Variants in ENOX2 observed in about 807,000 individuals in gnomAD.
ENOX2 encodes the protein ecto-NOX disulfide-thiol exchanger 2, also known as APK1 antigen.
ENOX2 carries 36 observed loss-of-function variants against 45.0 expected under a neutral mutation model. The ratio of observed to expected loss-of-function variants is 0.80; its 90% CI spans 0.61 to 1.06. The LOEUF is 1.06. Among genes scored for constraint, ENOX2 ranks in the 50% least tolerant of loss-of-function variants. The pLI is 0.00. For missense variants in ENOX2, 423 were observed against 462.5 expected (o/e 0.91, Z 0.78); for synonymous variants, 174 against 152.3 (o/e 1.14, Z -1.05).
intron 2 of ENOX2, among the ~76,000 whole-genome samples, chrX:130,831,583 T>C (rs1211292898): frequency 9.0e-6 from 1 of 111,252 alleles, no homozygotes; most frequent in East Asian, 2.8e-4. Flanking sequence ...CTCAGGCTCT[T>C]TGCATGACAG....
At chrX:130,666,564 T>C (rs764561950) in intron 8 of ENOX2, among the ~76,000 whole-genome samples, 7 of 111,687 alleles carry the variant, frequency 6.3e-5, no homozygotes, top group Non-Finnish European at 9.4e-5. Context: ...TTTTTTTCTT[T>C]ACATCCCTGT....
intron 2 of ENOX2, among the ~76,000 whole-genome samples, chrX:130,899,453 G>T (rs1222427049): frequency 8.9e-6 from 1 of 112,026 alleles, no homozygotes; most frequent in Admixed American, 9.4e-5. Context: ...AGTCTAGTGG[G>T]GAACACAGAG....
intron 10 of ENOX2, among the ~76,000 whole-genome samples, chrX:130,653,208 T>C (rs1001715363): frequency 8.9e-6 from 1 of 112,167 alleles, no homozygotes; most frequent in Non-Finnish European, 1.9e-5. Context: ...CATTTTTGTC[T>C]CAGTTCCTCT....
In ENOX2 at chrX:130,688,771, A is replaced by G. The variant is rs780004134; in HGVS notation, c.253+92T>C. The stretch of plus-strand genomic sequence containing the variant: ...AGGTGAAGCTTTCGTACAAACATCT[A>G]TGAAGCCCTTGGGTATTCTTTTGAG... On this transcript the variant is annotated intron_variant, in intron 5 of 14. Coordinates refer to ENST00000394363, the MANE Select transcript of ENOX2 (RefSeq NM_006375.4). 12 of 747,255 alleles carry G rather than the reference A, an allele frequency of 1.6e-5. No individual in the cohort carries two copies. The East Asian group carries it at 3.3e-4, about 21-fold the overall frequency. 61.6% of individuals were successfully genotyped at this position (747,255 alleles called of 1,213,427 possible).
chrX:130,708,229 CAT>C (rs756414794), intron 3 of ENOX2, among the ~76,000 whole-genome samples: 11 of 111,890 alleles, frequency 9.8e-5, no homozygotes, highest in Admixed American at 2.8e-4. Context: ...TCTTCTGGCT[CAT>C]ATTGAGCGCT....
intron 3 of ENOX2, among the ~76,000 whole-genome samples, chrX:130,775,393 C>A (rs764419769): frequency 3.6e-5 from 4 of 109,909 alleles, no homozygotes; most frequent in Admixed American, 2.9e-4. Context: ...AAAAAAAATA[C>A]TAATATTATA....
At chrX:130,804,159 A>G (rs1335028321) in intron 2 of ENOX2, among the ~76,000 whole-genome samples, 2 of 112,114 alleles carry the variant, frequency 1.8e-5, no homozygotes, top group African/African-American at 3.2e-5. Flanking sequence ...AATGGAGAAT[A>G]AAGAATACCA....
intron 2 of ENOX2, among the ~76,000 whole-genome samples, chrX:130,890,362 A>ATGGG (rs1274186076): frequency 8.1e-5 from 9 of 111,378 alleles, no homozygotes; most frequent in African/African-American, 2.9e-4. Context: ...GTAAGCACTA[A>ATGGG]TGGTTCCCTA....
At chrX:130,874,087 T>TAAAGAA (rs2078651703) in intron 2 of ENOX2, among the ~76,000 whole-genome samples, 2 of 111,717 alleles carry the variant, frequency 1.8e-5, no homozygotes, top group African/African-American at 6.5e-5. Context: ...TTTTAAAAGC[T>TAAAGAA]AGAGGCACAT....
At chrX:130,652,215 T>C (rs935537828) in intron 10 of ENOX2, among the ~76,000 whole-genome samples, 13 of 112,131 alleles carry the variant, frequency 1.2e-4, no homozygotes, top group South Asian at 3.7e-4. Flanking sequence ...AATGACTACT[T>C]ACTTCTATAA....
intron 2 of ENOX2, among the ~76,000 whole-genome samples, chrX:130,868,196 G>A (rs2078519687): frequency 1.8e-5 from 2 of 110,938 alleles, no homozygotes; most frequent in African/African-American, 6.6e-5. Context: ...ATATTCTTAA[G>A]AGAAATAAAA....
chrX:130,871,774 CCTT>C (rs1232584487), intron 2 of ENOX2, among the ~76,000 whole-genome samples: 1 of 110,814 alleles, frequency 9.0e-6, no homozygotes, highest in African/African-American at 3.3e-5. Flanking sequence ...CTCCCTTACA[CCTT>C]CTTTTCTAAG....
intron 2 of ENOX2, among the ~76,000 whole-genome samples, chrX:130,871,066 C>A (rs1031682080): frequency 2.7e-5 from 3 of 111,211 alleles, no homozygotes; most frequent in African/African-American, 9.8e-5. Context: ...GTATCAAGGC[C>A]ATCAGGAATG....
At chrX:130,746,536 C>T (rs2039101175) in intron 3 of ENOX2, among the ~76,000 whole-genome samples, 1 of 111,654 alleles carries the variant, frequency 9.0e-6, no homozygotes, top group South Asian at 3.8e-4. Context: ...TTTCTTCTGC[C>T]TTAATTAGTA....
chrX:130,703,641 T>G (rs2037962849), intron 3 of ENOX2, among the ~76,000 whole-genome samples: 1 of 111,497 alleles, frequency 9.0e-6, no homozygotes, highest in Non-Finnish European at 1.9e-5. Context: ...CCATCCAAAC[T>G]ACTTATGCAT....
intron 10 of ENOX2, among the ~76,000 whole-genome samples, chrX:130,640,478 A>G (rs1231327929): frequency 2.7e-5 from 3 of 112,338 alleles, no homozygotes; most frequent in East Asian, 2.8e-4. Flanking sequence ...CACTATTCAC[A>G]ATAGCAAAGA....
intron 2 of ENOX2, among the ~76,000 whole-genome samples, chrX:130,830,725 C>A (rs778223200): frequency 9.0e-6 from 1 of 111,674 alleles, no homozygotes; most frequent in East Asian, 2.8e-4. Flanking sequence ...TAAAATACAT[C>A]TTGAATCTGT....
intron 2 of ENOX2, among the ~76,000 whole-genome samples, chrX:130,864,307 G>A (rs1468185878): frequency 3.6e-5 from 4 of 110,697 alleles, no homozygotes; most frequent in East Asian, 5.7e-4. Flanking sequence ...GGAGAAGCCC[G>A]TGTGGCAAGG....
chrX:130,863,134 T>C (rs1243325381), intron 2 of ENOX2, among the ~76,000 whole-genome samples: 1 of 112,209 alleles, frequency 8.9e-6, no homozygotes, highest in Non-Finnish European at 1.9e-5. Context: ...AGTTTAGGGA[T>C]GATCTACAGG....
Sources: gnomAD v4.1 joint callset for allele counts (sites outside exome capture counted in the v4.1 genomes callset) on GRCh38, gnomAD v4.1.1 for gene constraint, MANE v1.5 for transcripts, NCBI Gene and HGNC (gene_info 2026-07-23, HGNC 2026-07-21) for gene names.